ZZEF1: variants seen among roughly 807,000 people sequenced by gnomAD.
ZZEF1 encodes the protein zinc finger ZZ-type and EF-hand domain-containing protein 1.
Under a neutral mutation model 342.8 loss-of-function variants are expected in ZZEF1, and 157 were observed. The observed-to-expected ratio is 0.46, with a 90% CI of 0.40 to 0.52. The LOEUF (loss-of-function observed/expected upper bound fraction) is 0.52, where lower values mean the gene tolerates loss of function less well. Among genes scored for constraint, ZZEF1 ranks in the 20% least tolerant of loss-of-function variants. ZZEF1 has a pLI of 0.00. For synonymous variants in ZZEF1, 1,505 were observed against 1,429.1 expected (o/e 1.05, Z -1.20); for missense variants, 3,480 against 3,725.6 (o/e 0.93, Z 1.72).
intron 13 of ZZEF1, among the ~76,000 whole-genome samples, chr17:4,088,113 C>T (rs768879049): frequency 7.9e-5 from 12 of 152,124 alleles, no homozygotes; most frequent in Non-Finnish European, 1.5e-5. Context: ...GTGGACACTG[C>T]TATACACTAC....
intron 13 of ZZEF1, among the ~76,000 whole-genome samples, chr17:4,088,369 G>A (rs1265090210): frequency 6.6e-6 from 1 of 152,180 alleles, no homozygotes; most frequent in African/African-American, 2.4e-5. Context: ...CAAATCCCAT[G>A]AACTCTGTTC....
In ZZEF1 at chr17:4,136,591, G is replaced by T. The variant is rs1597951620; in HGVS notation, c.354+5951C>A. ...GCCCAGTTCCCAAGCTCAGTCTGAAGAACAGCAGAATGAGCAGACTCATAA... is the reference window on the plus strand; with the variant it reads ...GCCCAGTTCCCAAGCTCAGTCTGAATAACAGCAGAATGAGCAGACTCATAA... On this transcript the variant is annotated intron_variant, in intron 1 of 54. Transcript: ENST00000381638. Among the ~76,000 whole-genome samples the T allele has an allele frequency of 3.3e-5, 5 of 152,098 alleles. No individual in the cohort carries two copies. The South Asian group carries it at 1.0e-3, about 32-fold the overall frequency.
At chr17:4,019,443 C>T (rs145372010) in intron 46 of ZZEF1, among the ~76,000 whole-genome samples, 1 of 152,244 alleles carries the variant, frequency 6.6e-6, no homozygotes, top group East Asian at 1.9e-4. Context: ...TCTCAGAGGC[C>T]GACTACAAAC....
chr17:4,114,232 G>GA (rs2145498409), intron 4 of ZZEF1, 67 bp downstream of exon 4: 3 of 1,283,432 alleles, frequency 2.3e-6, no homozygotes, highest in Admixed American at 2.8e-5. Context: ...AAAATACAAA[G>GA]AGTAGGCAGT....
At chr17:4,090,507 T>G (rs1474528488) in intron 12 of ZZEF1, among the ~76,000 whole-genome samples, 6 of 152,224 alleles carry the variant, frequency 3.9e-5, no homozygotes, top group Admixed American at 3.9e-4. Context: ...GTTACATATT[T>G]TTCCCCTGGT....
chr17:4,019,564 C>T (rs561326871), intron 46 of ZZEF1, 105 bp downstream of exon 46: 14 of 1,009,538 alleles, frequency 1.4e-5, no homozygotes, highest in Middle Eastern at 3.1e-4. Flanking sequence ...CCCGGCCTGT[C>T]GGAGCGTCGA....
chr17:4,127,990 T>C (rs1440522146), intron 1 of ZZEF1, among the ~76,000 whole-genome samples: 3 of 152,120 alleles, frequency 2.0e-5, no homozygotes, highest in African/African-American at 7.2e-5. Flanking sequence ...CATTCCTTAA[T>C]GAGTGGACAG....
At chr17:4,032,073 A>C in intron 42 of ZZEF1, 53 bp downstream of exon 42, 1 of 1,580,176 alleles carries the variant, frequency 6.3e-7, no homozygotes, top group South Asian at 1.2e-5. Context: ...TAGGGTACGG[A>C]GGGATTAGGC....
chr17:4,024,363 A>C (rs999208571), intron 43 of ZZEF1, among the ~76,000 whole-genome samples: 2 of 151,538 alleles, frequency 1.3e-5, no homozygotes, highest in African/African-American at 4.9e-5. Context: ...ACACCTGGCT[A>C]ATTTTCTGTA....
intron 11 of ZZEF1, among the ~76,000 whole-genome samples, chr17:4,092,682 T>C (rs1476165335): frequency 2.6e-5 from 4 of 152,194 alleles, no homozygotes; most frequent in African/African-American, 9.6e-5. Flanking sequence ...TGGGAAACGG[T>C]ATTCTCTTAA....
chr17:4,023,448 T>C (rs1292675362), intron 43 of ZZEF1, among the ~76,000 whole-genome samples: 1 of 152,112 alleles, frequency 6.6e-6, no homozygotes, highest in East Asian at 1.9e-4. Context: ...ATTGCTGCCC[T>C]TAGGGAGTTT....
chr17:4,118,486 T>C (rs565477017), intron 2 of ZZEF1, among the ~76,000 whole-genome samples: 50 of 152,310 alleles, frequency 3.3e-4, no homozygotes, highest in Admixed American at 2.7e-3. Flanking sequence ...TGTCTGCCAC[T>C]GACACCTCAA....
rs1418221076 is a variant in ZZEF1, at chr17:4,072,696, A to G, written c.3746T>C (p.Leu1249Pro). The G allele has an allele frequency of 6.2e-7, 1 of 1,614,130 alleles. No individual in the cohort carries two copies. The highest frequency in any genetic ancestry group is 1.7e-5 in the Admixed American group (1 of 60,024). Residue 1249 changes from leucine to proline, a missense_variant, in exon 25 of 55, where the codon CTG becomes CCG. This residue lies in a region of ZZEF1 where 1,528 missense variants were observed against 1,624.1 expected (regional missense o/e 0.94). Transcript: ENST00000381638. ...AKMALVLSSPLWKPVFRHQVC... is the reference protein window; with the variant it reads ...AKMALVLSSPPWKPVFRHQVC... ...CTGATGCCTGAAGACAGGTTTCCAC[A>G]GTGGGGAGCTTAGGACTAATGCCAT...
intron 11 of ZZEF1, among the ~76,000 whole-genome samples, chr17:4,092,116 G>T (rs1371177067): frequency 1.3e-5 from 2 of 150,042 alleles, no homozygotes; most frequent in Non-Finnish European, 3.0e-5. Flanking sequence ...AAATAAATAA[G>T]AAGGAGAAAA....
chr17:4,027,152 G>T (rs188881847), intron 42 of ZZEF1, among the ~76,000 whole-genome samples: 1 of 151,804 alleles, frequency 6.6e-6, no homozygotes, highest in East Asian at 1.9e-4. Context: ...TTTTTTAGGG[G>T]GTGGTAGAAG....
In ZZEF1 at chr17:4,014,423, G is replaced by A. The variant is rs145253189; in HGVS notation, c.8238C>T (p.Ser2746=). The stretch of plus-strand genomic sequence containing the variant: ...GGTCTTGCTGGAAGTCACTGCTGCT[G>A]GACATGGCTAACTCGTCACAGCCCT... The part of the protein sequence containing the change: ...TEEGCDELAM[S]SSSDFQQDRH... The change falls in exon 50 of 55, where the codon TCC becomes TCT. Residue 2746 remains serine, a synonymous_variant. Transcript: ENST00000381638. The surrounding 1 kb of genome is among the most constrained non-coding windows in gnomAD (Gnocchi z 4.4). 1.8e-5 allele frequency: 29 copies of A among 1,614,118 alleles called. No homozygotes were observed. The highest frequency in any genetic ancestry group is 1.6e-4 in the Middle Eastern group (1 of 6,084).
intron 4 of ZZEF1, among the ~76,000 whole-genome samples, 170 bp from the exon 5 acceptor site, chr17:4,112,978 A>G (rs901657073): frequency 8.5e-5 from 13 of 152,170 alleles, no homozygotes; most frequent in African/African-American, 3.1e-4. Flanking sequence ...TCTGACCTTG[A>G]CCTTCCCACA....
chr17:4,013,525 C>T lies in ZZEF1; in HGVS notation c.8503G>A (p.Ala2835Thr). ...AKIWEWLVGV[A>T]CRQTGHQRLK... ...CGTTGATGGCCAGTCTGGCGACAGG[C>T]CACGCCCACCAGCCATTCCCAAATT... Residue 2835 changes from alanine to threonine, a missense_variant, in exon 52 of 55, where the codon GCC becomes ACC. Transcript: ENST00000381638. 6.2e-7 allele frequency: 1 copy of T among 1,614,162 alleles called. No individual in the cohort carries two copies. The highest frequency in any genetic ancestry group is 8.5e-7 in the Non-Finnish European group (1 of 1,180,006).
chr17:4,133,431 C>T (rs9899108), intron 1 of ZZEF1, among the ~76,000 whole-genome samples: 1 of 152,022 alleles, frequency 6.6e-6, no homozygotes, highest in East Asian at 1.9e-4. Flanking sequence ...GATAACCCCT[C>T]GGGTTCCTTA....
Sources: allele counts gnomAD v4.1 joint callset (sites outside exome capture counted in the v4.1 genomes callset), GRCh38; gene constraint gnomAD v4.1.1; regional missense constraint gnomAD v4.1.1; non-coding constraint Gnocchi (gnomAD v3.1); transcripts MANE v1.5; gene names NCBI Gene and HGNC (gene_info 2026-07-23, HGNC 2026-07-21).